Variants in ZNF814 observed in about 807,000 individuals in gnomAD.
ZNF814 encodes zinc finger protein 814.
ZNF814 carries 5 observed loss-of-function variants against 7.5 expected under a neutral mutation model. The ratio of observed to expected loss-of-function variants is 0.67; its 90% CI spans 0.35 to 1.40. The LOEUF is 1.40. Ranked by LOEUF, ZNF814 falls within the 40% of genes most tolerant of loss-of-function variation. The pLI is 0.04. For missense variants in ZNF814, 962 were observed against 1,018.0 expected, an observed-to-expected ratio of 0.94 and a Z score of 0.75; for synonymous variants, 315 against 340.7, an observed-to-expected ratio of 0.92 and a Z score of 0.83.
Position 57,872,321 on chromosome 19 carries a change from T to C in ZNF814, c.*501A>G, listed in dbSNP as rs929863415. Among the ~76,000 whole-genome samples the C allele has an allele frequency of 1.3e-5, 2 of 152,242 alleles. No individual in the cohort carries two copies. Among genetic ancestry groups the C allele is most frequent in the Non-Finnish European group, 2.9e-5 (2 of 68,046 alleles). On this transcript the variant is annotated 3_prime_UTR_variant, in exon 3 of 3. Transcript: ENST00000435989. ...CCAATAAAAAGGCTGAAGGCTTTCT[T>C]GCATTCATTACATTCAAAAGGCATT...
At chr19:57,875,414 G>A (rs1442115246) in intron 2 of ZNF814, among the ~76,000 whole-genome samples, 188 bp from the exon 3 acceptor site, 1 of 152,172 alleles carries the variant, frequency 6.6e-6, no homozygotes, top group Non-Finnish European at 1.5e-5. Context: ...AATGTAGGAG[G>A]CCTCATAAGT....
chr19:57,883,905 T>C (rs1287839939), intron 1 of ZNF814, among the ~76,000 whole-genome samples: 2 of 151,930 alleles, frequency 1.3e-5, no homozygotes, highest in Non-Finnish European at 2.9e-5. Flanking sequence ...TACAGGCATG[T>C]ACCACCACAC....
the ZNF814 span, among the ~76,000 whole-genome samples, chr19:57,897,134 C>T: frequency 6.6e-6 from 1 of 152,080 alleles, no homozygotes; most frequent in Non-Finnish European, 1.5e-5. Context: ...GTGAATAAGG[C>T]CATAACTGAC....
At position 57,869,492 on chromosome 19, in the gene ZNF814, C is replaced by G. The variant is rs1450740231; in HGVS notation, c.*3330G>C. 1 of 151,970 alleles carries G rather than the reference C, an allele frequency of 6.6e-6. No individual in the cohort carries two copies. The highest frequency in any genetic ancestry group is 1.9e-4 in the East Asian group (1 of 5,190). The allele number at this position is 151,970 out of a possible 1,614,324, so 9.4% of individuals were successfully genotyped here. On this transcript the variant is annotated 3_prime_UTR_variant, in exon 3 of 3. Transcript: ENST00000435989. Reference sequence around the variant, plus strand: ...GTTGTCTGGAGAACAGAAAGAAAGCCTTTATAAAAAGGTTCCAAGTAAATA... The same window carrying G: ...GTTGTCTGGAGAACAGAAAGAAAGCGTTTATAAAAAGGTTCCAAGTAAATA...
At chr19:57,878,441 C>T (rs899529751) in intron 1 of ZNF814, among the ~76,000 whole-genome samples, 1 of 151,190 alleles carries the variant, frequency 6.6e-6, no homozygotes, top group Non-Finnish European at 1.5e-5. Flanking sequence ...CGAAAGGCTT[C>T]AGAGGCTAGG....
At chr19:57,890,927 G>A (rs1179441151), upstream of ZNF814, among the ~76,000 whole-genome samples, 2 of 152,174 alleles carry the variant, frequency 1.3e-5, no homozygotes, top group Admixed American at 6.5e-5. Context: ...TTGAATAGGG[G>A]TTGGATAAAA....
chr19:57,875,479 C>G (rs1467277718), intron 2 of ZNF814, among the ~76,000 whole-genome samples: 7 of 152,232 alleles, frequency 4.6e-5, no homozygotes, highest in Non-Finnish European at 1.0e-4. Context: ...TCTACAATCC[C>G]TGCATCTGCA....
rs1334783901 is a variant in ZNF814, at chr19:57,873,850, G to A, written c.1540C>T (p.His514Tyr). The change falls in exon 3 of 3, where the codon CAC becomes TAC. Residue 514 changes from histidine to tyrosine, a missense_variant. By Grantham distance (83) the His-to-Tyr change is moderately conservative. This residue lies in a region of ZNF814 where 665 missense variants were observed against 551.4 expected (regional missense o/e 1.21). Transcript: ENST00000435989. ...KGNLVLHQRVHTGARPYECGE... is the reference protein window; with the variant it reads ...KGNLVLHQRVYTGARPYECGE... ...CACTCATAAGGTCTTGCTCCAGTGT[G>A]AACTCGCTGGTGTAGAACGAGGTTG... 1.9e-6 allele frequency: 3 copies of A among 1,613,932 alleles called. No individual in the cohort carries two copies. The African/African-American group carries it at 4.0e-5, about 22-fold the overall frequency.
rs527459566 is a variant in ZNF814 at position 57,871,128 on chromosome 19, A to T, written c.*1694T>A. On this transcript the variant is annotated 3_prime_UTR_variant, in exon 3 of 3. Transcript: ENST00000435989. ...GTGATGTTATCCTACAGAATTCTGGATATCAGGGCATGTGTCTGCATTGCA... is the reference window on the plus strand; with the variant it reads ...GTGATGTTATCCTACAGAATTCTGGTTATCAGGGCATGTGTCTGCATTGCA... 6.6e-6 allele frequency: 1 copy of T among 152,202 alleles called. No individual in the cohort carries two copies. The highest frequency in any genetic ancestry group is 2.4e-5 in the African/African-American group (1 of 41,458). 9.4% of individuals were successfully genotyped at this position (152,202 alleles called of 1,614,324 possible).
chr19:57,878,699 T>A (rs2071629172), intron 1 of ZNF814, among the ~76,000 whole-genome samples: 1 of 152,074 alleles, frequency 6.6e-6, no homozygotes, highest in Non-Finnish European at 1.5e-5. Flanking sequence ...TGTCAAATGA[T>A]CCACCCGCCT....
chr19:57,873,562 C>T lies in ZNF814; in HGVS notation c.1828G>A (p.Gly610Arg). The T allele has an allele frequency of 6.2e-7, 1 of 1,614,028 alleles. No homozygotes were observed. ...GERPYECGEC[G>R]KSFSHKRSLV... Reference sequence around the variant, plus strand: ...CTGCGCTTATGACTAAAAGATTTCCCACATTCTCCACACTCATAAGGCCTC... The same window carrying T: ...CTGCGCTTATGACTAAAAGATTTCCTACATTCTCCACACTCATAAGGCCTC... The change falls in exon 3 of 3, where the codon GGG becomes AGG. Residue 610 changes from glycine to arginine, a missense_variant. This residue lies in a region of ZNF814 where 665 missense variants were observed against 551.4 expected (regional missense o/e 1.21). Coordinates refer to ENST00000435989, the MANE Select transcript of ZNF814 (RefSeq NM_001144989.2).
In ZNF814 at chr19:57,885,644, C is replaced by A. The variant is rs1489495549; in HGVS notation, c.36+3123G>T. Among the ~76,000 whole-genome samples, 102 of 129,176 alleles carry A rather than the reference C, an allele frequency of 7.9e-4. 1 individual carries two copies. The highest frequency in any genetic ancestry group is 8.3e-3 in the Middle Eastern group (2 of 240). 84.7% of individuals were successfully genotyped at this position (129,176 alleles called of 152,430 possible). ...GACTGTGTCTCAAAAAAAAAAAAAA[C>A]AAAAAACAAAGAATAAGATCTAGAA... On this transcript the variant is annotated intron_variant, in intron 1 of 2. Coordinates refer to ENST00000435989, the MANE Select transcript of ZNF814 (RefSeq NM_001144989.2).
chr19:57,885,655 G>C (rs1170186210), intron 1 of ZNF814, among the ~76,000 whole-genome samples: 2 of 143,766 alleles, frequency 1.4e-5, no homozygotes, highest in African/African-American at 5.2e-5. Context: ...AAAAAACAAA[G>C]AATAAGATCT....
In ZNF814 at chr19:57,878,999, C is replaced by T. The variant is rs1342468825; in HGVS notation, c.37-1957G>A. On this transcript the variant is annotated intron_variant, in intron 1 of 2. Transcript: ENST00000435989. The stretch of plus-strand genomic sequence containing the variant: ...GAGTTAAATGGGAAAGAAACTTGCA[C>T]TCAGGCCATTTGTGGTTATACCAAT... Among the ~76,000 whole-genome samples the T allele has an allele frequency of 1.3e-4, 20 of 152,112 alleles. 1 individual carries two copies. Among genetic ancestry groups the T allele is most frequent in the Admixed American group, 1.3e-3 (20 of 15,270 alleles).
rs1409772877 is a variant in ZNF814 at position 57,888,888 on chromosome 19, A to G, written c.-86T>C. ...ACGACGGTCCGTATCCTGGCCCAGG[A>G]GTGGGTCACGCTGGGCGCCGTCACA... On this transcript the variant is annotated 5_prime_UTR_variant, in exon 1 of 3. Coordinates refer to ENST00000435989, the MANE Select transcript of ZNF814 (RefSeq NM_001144989.2). The G allele has an allele frequency of 4.3e-5, 63 of 1,462,680 alleles. No individual in the cohort carries two copies. Among genetic ancestry groups the G allele is most frequent in the Admixed American group, 1.2e-4 (6 of 50,174 alleles). 90.6% of individuals were successfully genotyped at this position (1,462,680 alleles called of 1,614,324 possible).
chr19:57,896,020 A>G, the ZNF814 span, among the ~76,000 whole-genome samples: 5 of 152,228 alleles, frequency 3.3e-5, no homozygotes, highest in Non-Finnish European at 1.5e-5. The surrounding 1 kb of genome is among the most constrained non-coding windows in gnomAD (Gnocchi z 4.2). Context: ...CAAAATTTTA[A>G]GGAAATTGAA....
intron 1 of ZNF814, among the ~76,000 whole-genome samples, chr19:57,877,693 G>A (rs1048046781): frequency 5.9e-5 from 9 of 151,978 alleles, no homozygotes; most frequent in African/African-American, 1.9e-4. Flanking sequence ...CTCCCACCTC[G>A]GCCTCCCAAA....
At chr19:57,904,259 G>A in the ZNF814 span, among the ~76,000 whole-genome samples, 103,646 of 151,934 alleles carry the variant, frequency 0.68, 36,395 homozygotes, top group African/African-American at 0.86. Flanking sequence ...TCACCTGTCT[G>A]CCCCCACATC....
At position 57,873,289 on chromosome 19, in the gene ZNF814, ACTTCTT is replaced by A; in HGVS notation, c.2095_2100del (p.Lys699_Lys700del). On this transcript the variant is annotated inframe_deletion, in exon 3 of 3. Coordinates refer to ENST00000435989, the MANE Select transcript of ZNF814 (RefSeq NM_001144989.2). The stretch of plus-strand genomic sequence containing the variant: ...ATTCTCTGGTGTACAAGGAGGTGAG[ACTTCTT>A]CTTAAATAATTTTCCACATTCCCTA... The A allele has an allele frequency of 6.3e-7, 1 of 1,592,342 alleles. No homozygotes were observed. The highest frequency in any genetic ancestry group is 1.1e-5 in the South Asian group (1 of 89,022).
Sources: allele counts gnomAD v4.1 joint callset (sites outside exome capture counted in the v4.1 genomes callset), GRCh38; gene constraint gnomAD v4.1.1; regional missense constraint gnomAD v4.1.1; non-coding constraint Gnocchi (gnomAD v3.1); transcripts MANE v1.5; gene names NCBI Gene and HGNC (gene_info 2026-07-23, HGNC 2026-07-21).